Variants in RIMS2 observed in about 807,000 individuals in gnomAD.
The protein encoded by RIMS2 is regulating synaptic membrane exocytosis protein 2.
RIMS2 carries 59 observed loss-of-function variants against 174.4 expected under a neutral mutation model. The observed-to-expected ratio is 0.34, with a 90% CI of 0.27 to 0.42. RIMS2 has a LOEUF of 0.42. RIMS2 is among the 10% of genes least tolerant of loss of function. RIMS2 has a pLI of 1.00. For missense variants in RIMS2, 1,620 were observed against 1,666.3 expected, an observed-to-expected ratio of 0.97 and a Z score of 0.48; for synonymous variants, 606 against 572.5, an observed-to-expected ratio of 1.06 and a Z score of -0.84.
At chr8:103,526,112 A>G (rs1338567495) in intron 1 of RIMS2, among the ~76,000 whole-genome samples, 1 of 152,178 alleles carries the variant, frequency 6.6e-6, no homozygotes, top group African/African-American at 2.4e-5. Flanking sequence ...GGGCTAATGG[A>G]GCAACAGTTT....
intron 19 of RIMS2, among the ~76,000 whole-genome samples, chr8:104,102,049 C>T (rs998877950): frequency 4.6e-5 from 7 of 152,062 alleles, no homozygotes; most frequent in Admixed American, 2.6e-4. Flanking sequence ...TGCTTCATGG[C>T]TTCAATGCTT....
intron 14 of RIMS2, among the ~76,000 whole-genome samples, chr8:103,949,391 A>T (rs1269632545): frequency 6.6e-6 from 1 of 152,176 alleles, no homozygotes; most frequent in African/African-American, 2.4e-5. Flanking sequence ...GGTAGACCTT[A>T]GTCCTGCCCA....
intron 3 of RIMS2, among the ~76,000 whole-genome samples, chr8:103,823,066 C>T (rs2098763072): frequency 6.6e-6 from 1 of 151,772 alleles, no homozygotes. Flanking sequence ...TGAGTTTTTC[C>T]ATTTGCTAAT....
intron 2 of RIMS2, among the ~76,000 whole-genome samples, chr8:103,701,252 C>T (rs1056062111): frequency 6.6e-6 from 1 of 152,000 alleles, no homozygotes; most frequent in African/African-American, 2.4e-5. Flanking sequence ...TCTTGGTTAA[C>T]ACTTTTTGTA....
chr8:103,880,742 T>C (rs1357722668), intron 3 of RIMS2: 2 of 449,536 alleles, frequency 4.4e-6, no homozygotes, highest in Non-Finnish European at 8.0e-6. Flanking sequence ...AAAATTTATA[T>C]ATTTTTGTTT....
intron 2 of RIMS2, among the ~76,000 whole-genome samples, chr8:103,705,264 C>T (rs544942021): frequency 6.6e-6 from 1 of 151,918 alleles, no homozygotes; most frequent in South Asian, 2.1e-4. Flanking sequence ...TTCAACATTC[C>T]TCTTTTTACT....
At chr8:103,535,267 C>T (rs1192792577) in intron 1 of RIMS2, among the ~76,000 whole-genome samples, 1 of 152,148 alleles carries the variant, frequency 6.6e-6, no homozygotes, top group Non-Finnish European at 1.5e-5. Context: ...ATAAATGCTT[C>T]CTCTTCTCTT....
chr8:104,048,832 A>G (rs1235777363), intron 19 of RIMS2, among the ~76,000 whole-genome samples: 1 of 116,516 alleles, frequency 8.6e-6, no homozygotes, highest in Non-Finnish European at 2.3e-5. Flanking sequence ...GCTCTTATTA[A>G]TTATTACACA....
intron 19 of RIMS2, among the ~76,000 whole-genome samples, chr8:104,090,527 A>C (rs750846894): frequency 5.9e-5 from 9 of 151,760 alleles, no homozygotes; most frequent in Non-Finnish European, 1.3e-4. Context: ...CAATCAGGAA[A>C]GCTGGGATAC....
At chr8:103,838,788 G>A (rs371036068) in intron 3 of RIMS2, among the ~76,000 whole-genome samples, 2 of 152,144 alleles carry the variant, frequency 1.3e-5, no homozygotes, top group Admixed American at 6.5e-5. Context: ...GTTCCTGGCC[G>A]GACTCGGTGG....
At chr8:103,640,999 A>G (rs1315537344) in intron 1 of RIMS2, among the ~76,000 whole-genome samples, 9 of 152,102 alleles carry the variant, frequency 5.9e-5, no homozygotes, top group Admixed American at 1.3e-4. Context: ...AGATGTATCA[A>G]TTTTTGCCTC....
intron 19 of RIMS2, among the ~76,000 whole-genome samples, chr8:104,226,485 T>TG (rs1563867888): frequency 6.6e-6 from 1 of 152,188 alleles, no homozygotes; most frequent in African/African-American, 2.4e-5. Context: ...AAATATTTAT[T>TG]GGGGGTATTT....
At chr8:103,992,968 G>A (rs1052178057) in intron 17 of RIMS2, among the ~76,000 whole-genome samples, 5 of 152,222 alleles carry the variant, frequency 3.3e-5, no homozygotes, top group Non-Finnish European at 5.9e-5. Flanking sequence ...ACAAAAATTA[G>A]CCAGGCACGG....
At chr8:103,669,708 A>G (rs1193792120) in intron 1 of RIMS2, among the ~76,000 whole-genome samples, 1 of 152,248 alleles carries the variant, frequency 6.6e-6, no homozygotes, top group African/African-American at 2.4e-5. Context: ...TGTTGACTCC[A>G]TGTGGCTCAC....
intron 3 of RIMS2, among the ~76,000 whole-genome samples, chr8:103,805,147 G>A (rs1334531892): frequency 6.6e-6 from 1 of 152,036 alleles, no homozygotes; most frequent in Non-Finnish European, 1.5e-5. Context: ...TTTTCTGTAT[G>A]TGTAATACTT....
rs13264041 is a variant in RIMS2 at position 103,569,053 on chromosome 8, C to A, written c.176+67991C>A. ...AAGTTAATTTTGATGTCCAATTTATCTTTTTTTTTGTTTTTGTTGCTTTGT... is the reference window on the plus strand; with the variant it reads ...AAGTTAATTTTGATGTCCAATTTATATTTTTTTTTGTTTTTGTTGCTTTGT... On this transcript the variant is annotated intron_variant, in intron 1 of 23. Transcript: ENST00000504942. The A allele has an allele frequency of 1.3e-5, 5 of 383,836 alleles. No individual in the cohort carries two copies. The East Asian group carries it at 2.5e-4, about 20-fold the overall frequency. The allele number at this position is 383,836 out of a possible 1,614,324, so 23.8% of individuals were successfully genotyped here.
intron 17 of RIMS2, among the ~76,000 whole-genome samples, chr8:103,994,504 A>G (rs1483490829): frequency 2.0e-5 from 3 of 152,132 alleles, no homozygotes; most frequent in African/African-American, 4.8e-5. Context: ...CATTATGCAT[A>G]TTTAAGACAC....
At chr8:103,557,516 T>C (rs1309455973) in intron 1 of RIMS2, among the ~76,000 whole-genome samples, 1 of 152,220 alleles carries the variant, frequency 6.6e-6, no homozygotes, top group Non-Finnish European at 1.5e-5. Context: ...ATGTTTTATA[T>C]ATCATTTAGA....
intron 19 of RIMS2, among the ~76,000 whole-genome samples, chr8:104,172,435 C>T (rs1328468749): frequency 2.6e-5 from 4 of 152,064 alleles, no homozygotes; most frequent in African/African-American, 9.7e-5. Flanking sequence ...TAACCTGCTA[C>T]TTTTATGTTT....
Sources: allele counts gnomAD v4.1 joint callset (sites outside exome capture counted in the v4.1 genomes callset), GRCh38; gene constraint gnomAD v4.1.1; transcripts MANE v1.5; gene names NCBI Gene and HGNC (gene_info 2026-07-23, HGNC 2026-07-21).